Variants in PITPNM2 observed in about 807,000 individuals in gnomAD.
PITPNM2 encodes the protein phosphatidylinositol transfer protein membrane associated 2.
Under a neutral mutation model 132.2 loss-of-function variants are expected in PITPNM2, and 35 were observed. The observed-to-expected ratio is 0.26, with a 90% confidence interval of 0.20 to 0.35. The LOEUF is 0.35. PITPNM2 is among the 10% of genes least tolerant of loss of function. PITPNM2 has a pLI of 1.00. For synonymous variants in PITPNM2, 738 were observed against 799.2 expected, an observed-to-expected ratio of 0.92 and a Z score of 1.29; for missense variants, 1,332 against 1,912.0, an observed-to-expected ratio of 0.70 and a Z score of 5.66.
chr12:123,030,618 G>A (rs1336657852), intron 3 of PITPNM2, among the ~76,000 whole-genome samples: 7 of 151,948 alleles, frequency 4.6e-5, no homozygotes, highest in Non-Finnish European at 7.4e-5. Context: ...GCGTGAACCC[G>A]GGAGGCGGAG....
At chr12:123,129,296 T>C (rs989383333) in intron 1 of PITPNM2, among the ~76,000 whole-genome samples, 37 of 150,362 alleles carry the variant, frequency 2.5e-4, no homozygotes, top group Non-Finnish European at 3.3e-4. Context: ...AGGCCGGGCG[T>C]GGTGGCTCAC....
At chr12:122,999,427 A>ACAAGGGCT (rs755505420) in intron 10 of PITPNM2, among the ~76,000 whole-genome samples, 2 of 152,216 alleles carry the variant, frequency 1.3e-5, no homozygotes, top group Non-Finnish European at 2.9e-5. Context: ...TTGGGCTTTG[A>ACAAGGGCT]CAAGGGCTTT....
rs138118886 is a variant in PITPNM2, at chr12:123,068,455, TAATAAATAAATA to T, written c.-95-33782_-95-33771del. Among the ~76,000 whole-genome samples the T allele has an allele frequency of 5.0e-3, 733 of 147,222 alleles. 6 individuals are homozygous for T. The highest frequency in any genetic ancestry group is 0.011 in the African/African-American group (436 of 39,530). ...AGAGCGAGACTCCATCTCCAAAAAATAATAAATAAATAAATAAATAAATAAATAAATAAATAA... is the reference window on the plus strand; with the variant it reads ...AGAGCGAGACTCCATCTCCAAAAAATAATAAATAAATAAATAAATAAATAA... On this transcript the variant is annotated intron_variant, in intron 2 of 25. Coordinates refer to ENST00000320201, the MANE Select transcript of PITPNM2 (RefSeq NM_020845.3).
intron 2 of PITPNM2, among the ~76,000 whole-genome samples, chr12:123,053,636 C>T (rs2040932128): frequency 6.9e-6 from 1 of 144,728 alleles, no homozygotes; most frequent in African/African-American, 2.7e-5. Context: ...GGCGTGATCT[C>T]GGCTCACCAA....
intron 2 of PITPNM2, among the ~76,000 whole-genome samples, chr12:123,109,074 A>T (rs1056250247): frequency 5.3e-5 from 8 of 152,186 alleles, no homozygotes; most frequent in Non-Finnish European, 1.0e-4. Context: ...GGCACTGCTC[A>T]TGGTTACTGT....
chr12:123,111,661 G>C lies in PITPNM2; in HGVS notation c.-199-1173C>G, dbSNP rs1047680750. Among the ~76,000 whole-genome samples the C allele has an allele frequency of 1.3e-5, 2 of 152,178 alleles. No individual in the cohort carries two copies. The highest frequency in any genetic ancestry group is 4.8e-5 in the African/African-American group (2 of 41,432). On this transcript the variant is annotated intron_variant, in intron 1 of 25. Coordinates refer to ENST00000320201, the MANE Select transcript of PITPNM2 (RefSeq NM_020845.3). The surrounding 1 kb of genome is among the most constrained non-coding windows in gnomAD (Gnocchi z 4.1). ...CACCGCGTCCTGCATGCCCACCCCC[G>C]TGCAGGCTCCTCTGTGGGACTGAGG...
intron 6 of PITPNM2, among the ~76,000 whole-genome samples, chr12:123,007,656 A>C (rs915893905): frequency 6.6e-6 from 1 of 152,132 alleles, no homozygotes; most frequent in Non-Finnish European, 1.5e-5. Context: ...CCCAAGCCCC[A>C]GGGGTGGCCT....
chr12:123,013,916 T>C lies in PITPNM2; in HGVS notation c.205A>G (p.Ile69Val). The C allele has an allele frequency of 6.2e-7, 1 of 1,614,262 alleles. No homozygotes were observed. The highest frequency in any genetic ancestry group is 8.5e-7 in the Non-Finnish European group (1 of 1,180,046). Residue 69 changes from isoleucine to valine, a missense_variant, in exon 4 of 26, where the codon ATT (isoleucine) becomes GTT (valine). Around this residue, in one of 6 missense-constraint regions of PITPNM2, gnomAD observed 83 missense variants for 118.7 expected, o/e 0.70. Transcript: ENST00000320201. ...AGGATGGAGCGGAACCAGCTGGGAA[T>C]GTGCATGCCCACATGATACACCTTG... The part of the protein sequence containing the change: ...THKVYHVGMH[I>V]PSWFRSILPK...
chr12:123,079,481 G>A (rs1158797186), intron 2 of PITPNM2, among the ~76,000 whole-genome samples: 1 of 146,974 alleles, frequency 6.8e-6, no homozygotes, highest in Non-Finnish European at 1.5e-5. Context: ...CAAGTAGCTG[G>A]GATTATAGGC....
chr12:123,116,801 G>A (rs898302215), intron 1 of PITPNM2, among the ~76,000 whole-genome samples: 1 of 152,132 alleles, frequency 6.6e-6, no homozygotes, highest in Non-Finnish European at 1.5e-5. Flanking sequence ...GAGGGGAACG[G>A]ATGTTCCAGC....
At chr12:123,133,882 A>T (rs999687396) in intron 1 of PITPNM2, among the ~76,000 whole-genome samples, 1 of 152,052 alleles carries the variant, frequency 6.6e-6, no homozygotes, top group Non-Finnish European at 1.5e-5. Context: ...CCCCAGATCC[A>T]TGTTGGCCAG....
At position 123,117,707 on chromosome 12, in the gene PITPNM2, A is replaced by G. The variant is rs1311125947; in HGVS notation, c.-199-7219T>C. Among the ~76,000 whole-genome samples the G allele has an allele frequency of 2.0e-5, 3 of 152,306 alleles. No individual in the cohort carries two copies. Among genetic ancestry groups the G allele is most frequent in the East Asian group, 3.9e-4 (2 of 5,192 alleles). On this transcript the variant is annotated intron_variant, in intron 1 of 25. Transcript: ENST00000320201. The surrounding 1 kb of genome is among the most constrained non-coding windows in gnomAD (Gnocchi z 4.7). ...GGGCTCCTCAGACGTGTGCCCCTGG[A>G]GCCCTGCTCTGCTCTCTGTGCCCTT...
chr12:123,130,705 A>G (rs986644196), intron 1 of PITPNM2, among the ~76,000 whole-genome samples: 2 of 152,122 alleles, frequency 1.3e-5, no homozygotes, highest in Admixed American at 1.3e-4. Flanking sequence ...GCGTGAACCC[A>G]GGAGGCGGAG....
intron 1 of PITPNM2, among the ~76,000 whole-genome samples, chr12:123,127,978 G>C (rs898061371): frequency 6.6e-6 from 1 of 152,002 alleles, no homozygotes; most frequent in South Asian, 2.1e-4. Flanking sequence ...GAGAGAGAAG[G>C]CATGCTTGTC....
At chr12:123,144,273 A>G (rs1240642238) in intron 1 of PITPNM2, among the ~76,000 whole-genome samples, 1 of 152,192 alleles carries the variant, frequency 6.6e-6, no homozygotes, top group Non-Finnish European at 1.5e-5. Flanking sequence ...ATGGCCCCCA[A>G]TCACAGTGCT....
At chr12:123,032,180 C>CA (rs1156411123) in intron 3 of PITPNM2, among the ~76,000 whole-genome samples, 1 of 152,092 alleles carries the variant, frequency 6.6e-6, no homozygotes, top group Admixed American at 6.5e-5. Context: ...GATAGGTGTT[C>CA]AAAAAAACCC....
chr12:122,989,799 C>A lies in PITPNM2; in HGVS notation c.2719G>T (p.Asp907Tyr). Residue 907 changes from aspartate to tyrosine, a missense_variant, in exon 18 of 26, where the codon GAC (aspartate) becomes TAC (tyrosine). This residue lies in a region of PITPNM2 where 710 missense variants were observed against 911.5 expected (regional missense o/e 0.78). Transcript: ENST00000320201. ...TGTGGGGTGGTACCTTCTCCAATGT[C>A]CAGCTCAGGGAGGCCAGGGGCCCTC... ...LERAPGLPEL[D>Y]IGEVAAKWWG... 2.1e-6 allele frequency: 3 copies of A among 1,406,738 alleles called. No individual in the cohort carries two copies. The highest frequency in any genetic ancestry group is 2.8e-5 in the Admixed American group (1 of 35,956). The allele number at this position is 1,406,738 out of a possible 1,614,324, so 87.1% of individuals were successfully genotyped here.
intron 10 of PITPNM2, among the ~76,000 whole-genome samples, chr12:122,997,959 C>T (rs117051159): frequency 0.011 from 1,736 of 152,296 alleles, 35 homozygotes; most frequent in South Asian, 0.056. Context: ...TAGCGGGAGG[C>T]AGAGAGGTTC....
At chr12:123,149,586 G>C (rs1302678144) in intron 1 of PITPNM2, among the ~76,000 whole-genome samples, 1 of 152,232 alleles carries the variant, frequency 6.6e-6, no homozygotes, top group African/African-American at 2.4e-5. Context: ...GACCAGAGAT[G>C]AATCAACTCC....
Sources: allele counts gnomAD v4.1 joint callset (sites outside exome capture counted in the v4.1 genomes callset), GRCh38; gene constraint gnomAD v4.1.1; regional missense constraint gnomAD v4.1.1; non-coding constraint Gnocchi (gnomAD v3.1); transcripts MANE v1.5; gene names NCBI Gene and HGNC (gene_info 2026-07-23, HGNC 2026-07-21).